JAKMIP3: variants seen among roughly 807,000 people sequenced by gnomAD.
JAKMIP3 encodes Janus kinase and microtubule interacting protein 3.
In JAKMIP3, 58 loss-of-function variants were observed where a neutral mutation model predicts 118.5. The ratio of observed to expected loss-of-function variants is 0.49; its 90% CI spans 0.40 to 0.61. JAKMIP3 has a LOEUF of 0.61. Ranked by LOEUF, JAKMIP3 falls within the 20% of genes least tolerant of loss-of-function variation. JAKMIP3 has a pLI of 0.00. For synonymous variants in JAKMIP3, 486 were observed against 451.2 expected, an observed-to-expected ratio of 1.08 and a Z score of -0.98; for missense variants, 950 against 1,109.0, an observed-to-expected ratio of 0.86 and a Z score of 2.04.
rs780477605 is a variant in JAKMIP3, at chr10:132,149,545, C to A, written c.1947+35C>A. 1.5e-5 allele frequency: 15 copies of A among 1,016,396 alleles called. 1 individual carries two copies. The South Asian group carries it at 2.4e-4, about 16-fold the overall frequency. The allele number at this position is 1,016,396 out of a possible 1,614,324, so 63.0% of individuals were successfully genotyped here. ...GCCCCTCCTGCCCACTCCGCCCCCA[C>A]CTCACCCATCCCCCGCCCCACCCCC... On this transcript the variant is annotated intron_variant, in intron 15 of 23. Transcript: ENST00000684848.
chr10:132,104,966 C>A, intron 2 of JAKMIP3, 23 bp downstream of exon 2: 1 of 1,572,570 alleles, frequency 6.4e-7, no homozygotes, highest in Non-Finnish European at 8.6e-7. Context: ...CAGACCTCCA[C>A]CCTTGAATGT....
chr10:132,085,014 A>G (rs557911886), intron 1 of JAKMIP3, among the ~76,000 whole-genome samples: 1 of 152,158 alleles, frequency 6.6e-6, no homozygotes, highest in Non-Finnish European at 1.5e-5. Context: ...ATGTTCATCA[A>G]GGATATTGGT....
chr10:132,129,794 A>C (rs2135602341), intron 3 of JAKMIP3, among the ~76,000 whole-genome samples: 1 of 151,712 alleles, frequency 6.6e-6, no homozygotes, highest in African/African-American at 2.4e-5. Context: ...TTCAGCTTCT[A>C]GACTTGTTCA....
chr10:132,135,172 C>T lies in JAKMIP3; in HGVS notation c.969+12C>T, dbSNP rs371229620. ...AGAGGAATGAGCTGGTGAGCGCGGG[C>T]GGGGGCTTCTGGCTCCTGGGGGTTT... On this transcript the variant is annotated intron_variant, in intron 5 of 23. Transcript: ENST00000684848. 71 of 1,591,616 alleles carry T rather than the reference C, an allele frequency of 4.5e-5. No homozygotes were observed. The highest frequency in any genetic ancestry group is 1.8e-4 in the South Asian group (16 of 90,362).
intron 1 of JAKMIP3, among the ~76,000 whole-genome samples, chr10:132,097,731 A>G (rs1176935027): frequency 6.9e-6 from 1 of 143,906 alleles, no homozygotes; most frequent in Non-Finnish European, 1.5e-5. Flanking sequence ...ATGTGGGTCT[A>G]CAATTATCTC....
Position 132,153,787 on chromosome 10 carries a change from C to A in JAKMIP3, c.2102C>A (p.Ala701Glu). The change falls in exon 18 of 24, where the codon GCG (alanine) becomes GAG (glutamate). Residue 701 changes from alanine to glutamate, a missense_variant. Physicochemically the swap from Ala to Glu is moderately radical, Grantham distance 107 (BLOSUM62 -1). Coordinates refer to ENST00000684848, the MANE Select transcript of JAKMIP3 (RefSeq NM_001323087.2). ...CTCCAGCAGATTGAGGAGACAGAGG[C>A]GGCGCTGCAGCGGAAGATGGTGGAT... ...KWLQQIEETE[A>E]ALQRKMVDLE... The A allele has an allele frequency of 6.2e-7, 1 of 1,612,956 alleles. No homozygotes were observed. Among genetic ancestry groups the A allele is most frequent in the South Asian group, 1.1e-5 (1 of 91,066 alleles).
chr10:132,158,394 G>T (rs2057348242), intron 19 of JAKMIP3, among the ~76,000 whole-genome samples: 1 of 152,134 alleles, frequency 6.6e-6, no homozygotes, highest in Admixed American at 6.5e-5. Flanking sequence ...AGAGATGTAG[G>T]TCTCCACACA....
chr10:132,068,152 T>G (rs1291791035), intron 1 of JAKMIP3, among the ~76,000 whole-genome samples: 1 of 149,258 alleles, frequency 6.7e-6, no homozygotes, highest in African/African-American at 2.5e-5. Flanking sequence ...TGGGTTTCTG[T>G]GTGGACTGTG....
chr10:132,155,914 G>A (rs1395882155), intron 19 of JAKMIP3, among the ~76,000 whole-genome samples: 2 of 152,204 alleles, frequency 1.3e-5, no homozygotes, highest in African/African-American at 4.8e-5. Flanking sequence ...GACCTGTGCA[G>A]CACGGAGCAT....
At chr10:132,109,374 G>A (rs1354054396) in intron 2 of JAKMIP3, among the ~76,000 whole-genome samples, 1 of 152,084 alleles carries the variant, frequency 6.6e-6, no homozygotes, top group Admixed American at 6.5e-5. Context: ...AAAGAATATG[G>A]CAGACAGGCA....
At chr10:132,110,087 G>T (rs1396999887) in intron 2 of JAKMIP3, among the ~76,000 whole-genome samples, 1 of 152,212 alleles carries the variant, frequency 6.6e-6, no homozygotes, top group Non-Finnish European at 1.5e-5. Context: ...CCGTGGGGGA[G>T]AATCCAGTTC....
intron 1 of JAKMIP3, among the ~76,000 whole-genome samples, chr10:132,050,282 G>T (rs999209601): frequency 1.3e-5 from 2 of 152,212 alleles, no homozygotes; most frequent in Non-Finnish European, 2.9e-5. Flanking sequence ...CTGGCTGCTT[G>T]GGTTCTCTGA....
chr10:132,149,598 C>CCCCCGCCCCACCCCCCTCCG, intron 15 of JAKMIP3, 88 bp downstream of exon 15: 1 of 302,072 alleles, frequency 3.3e-6, no homozygotes, highest in African/African-American at 6.6e-5. Flanking sequence ...CCCCCCTCCG[C>CCCCCGCCCCACCCCCCTCCG]CCCCGCCCCA....
intron 23 of JAKMIP3, among the ~76,000 whole-genome samples, chr10:132,178,078 AC>A (rs1474420625): frequency 6.6e-6 from 1 of 152,228 alleles, no homozygotes; most frequent in Non-Finnish European, 1.5e-5. Context: ...TCACTGTCCC[AC>A]CTGCCACCTG....
upstream of JAKMIP3, among the ~76,000 whole-genome samples, chr10:132,059,811 G>A (rs558494278): frequency 3.9e-5 from 6 of 152,360 alleles, no homozygotes; most frequent in Non-Finnish European, 5.9e-5. Flanking sequence ...ATTTGCAGGT[G>A]TTCAAATTCC....
intron 3 of JAKMIP3, among the ~76,000 whole-genome samples, chr10:132,120,330 G>A (rs1354924669): frequency 6.6e-6 from 1 of 152,180 alleles, no homozygotes; most frequent in Non-Finnish European, 1.5e-5. Flanking sequence ...GGATTGGCTG[G>A]GGGCTCACAT....
chr10:132,081,327 T>A (rs1204032970), intron 1 of JAKMIP3, among the ~76,000 whole-genome samples: 1 of 152,244 alleles, frequency 6.6e-6, no homozygotes, highest in African/African-American at 2.4e-5. Flanking sequence ...AGATTATTGT[T>A]TTACCTTTCA....
intron 3 of JAKMIP3, among the ~76,000 whole-genome samples, chr10:132,120,714 G>A (rs1200298163): frequency 6.6e-6 from 1 of 152,158 alleles, no homozygotes; most frequent in Non-Finnish European, 1.5e-5. Context: ...TTCTTCCTGG[G>A]GACCCTGTCC....
chr10:132,136,878 C>T (rs1459868380), intron 6 of JAKMIP3, 141 bp from the exon 7 acceptor site: 1 of 855,690 alleles, frequency 1.2e-6, no homozygotes, highest in African/African-American at 1.7e-5. Flanking sequence ...CTGGGCTGTT[C>T]TGAGGCCTGA....
Sources: gnomAD v4.1 joint callset for allele counts (sites outside exome capture counted in the v4.1 genomes callset) on GRCh38, gnomAD v4.1.1 for gene constraint, MANE v1.5 for transcripts, NCBI Gene and HGNC (gene_info 2026-07-23, HGNC 2026-07-21) for gene names.